The following NPR3 variants were observed in gnomAD, a reference collection of about 807,000 sequenced individuals.
NPR3 encodes atrial natriuretic peptide receptor 3.
NPR3 carries 34 observed loss-of-function variants against 54.5 expected under a neutral mutation model. That is an observed-to-expected ratio of 0.62 (90% CI 0.47 to 0.83). The LOEUF (loss-of-function observed/expected upper bound fraction) is 0.83, where lower values mean the gene tolerates loss of function less well. Ranked by LOEUF, NPR3 falls within the 40% of genes least tolerant of loss-of-function variation. The probability of loss-of-function intolerance (pLI) is 0.00; values close to 1 mark genes in which losing one functional copy is unlikely to be tolerated. For synonymous variants in NPR3, 289 were observed against 297.1 expected, an observed-to-expected ratio of 0.97 and a Z score of 0.28; for missense variants, 674 against 720.8, an observed-to-expected ratio of 0.94 and a Z score of 0.74.
chr5:32,700,619 T>A (rs1740643567), intron 1 of NPR3, among the ~76,000 whole-genome samples: 1 of 152,032 alleles, frequency 6.6e-6, no homozygotes, highest in Admixed American at 6.6e-5. Flanking sequence ...ATTGTTCAAT[T>A]CCCACCTATG....
intron 3 of NPR3, among the ~76,000 whole-genome samples, chr5:32,760,776 G>C (rs910985104): frequency 4.6e-5 from 7 of 151,284 alleles, no homozygotes; most frequent in African/African-American, 1.7e-4. Context: ...ATATTTTCTG[G>C]TTTTCTTTCA....
At chr5:32,746,646 C>CAA (rs1345135276) in intron 3 of NPR3, among the ~76,000 whole-genome samples, 1 of 152,194 alleles carries the variant, frequency 6.6e-6, no homozygotes, top group African/African-American at 2.4e-5. Flanking sequence ...TCACTCTTTT[C>CAA]AATTCCCAGT....
chr5:32,752,213 A>ACCTC (rs1579655703), intron 3 of NPR3, among the ~76,000 whole-genome samples: 377 of 58,188 alleles, frequency 6.5e-3, no homozygotes, highest in Middle Eastern at 0.042. Flanking sequence ...ACCTCCAAAA[A>ACCTC]CAAAAACAAA....
At chr5:32,737,313 G>C (rs927725428) in intron 2 of NPR3, among the ~76,000 whole-genome samples, 16 of 152,156 alleles carry the variant, frequency 1.1e-4, no homozygotes, top group Non-Finnish European at 5.9e-5. Flanking sequence ...CCTCTCTCTT[G>C]AATGTGGTGG....
chr5:32,736,850 T>A (rs1233876540), intron 2 of NPR3, among the ~76,000 whole-genome samples: 1 of 152,214 alleles, frequency 6.6e-6, no homozygotes, highest in African/African-American at 2.4e-5. Flanking sequence ...CTTATGCTCA[T>A]TGAGCACAGA....
At chr5:32,760,247 A>G (rs1381789481) in intron 3 of NPR3, among the ~76,000 whole-genome samples, 2 of 152,072 alleles carry the variant, frequency 1.3e-5, no homozygotes, top group African/African-American at 4.8e-5. Flanking sequence ...GGAATTGCTG[A>G]GTCATAGCAT....
rs2111837755 is a variant in NPR3 at position 32,711,548 on chromosome 5, C to CTTTTTG, written c.-224_-223insGTTTTT. ...GACGCACAGGTTTACACCCGGTGAA[C>CTTTTTG]TTTTTCTTTTTCTTTTTCTTTTTTT... On this transcript the variant is annotated 5_prime_UTR_variant, in exon 1 of 8. Coordinates refer to ENST00000265074, the MANE Select transcript of NPR3 (RefSeq NM_001204375.2). The CTTTTTG allele has an allele frequency of 4.6e-6, 5 of 1,082,118 alleles. No individual in the cohort carries two copies. In the East Asian group the frequency reaches 1.9e-4, roughly 42 times the overall value. The allele number at this position is 1,082,118 out of a possible 1,614,324, so 67.0% of individuals were successfully genotyped here.
At chr5:32,766,654 G>T (rs189520880) in intron 3 of NPR3, among the ~76,000 whole-genome samples, 1 of 152,032 alleles carries the variant, frequency 6.6e-6, no homozygotes, top group Non-Finnish European at 1.5e-5. Context: ...ATTTATCAAG[G>T]TTATTACTGT....
At chr5:32,759,115 T>G (rs1319806150) in intron 3 of NPR3, among the ~76,000 whole-genome samples, 1 of 152,180 alleles carries the variant, frequency 6.6e-6, no homozygotes, top group Admixed American at 6.5e-5. Flanking sequence ...AGATGTCTAT[T>G]AGGTCCGCTT....
upstream of NPR3, among the ~76,000 whole-genome samples, chr5:32,706,494 A>G (rs1349632415): frequency 4.6e-5 from 7 of 152,182 alleles, no homozygotes; most frequent in East Asian, 7.7e-4. Flanking sequence ...TGCTTAAGGC[A>G]TTTTGCTTGT....
At chr5:32,751,887 G>C (rs1247437786) in intron 3 of NPR3, among the ~76,000 whole-genome samples, 1 of 152,192 alleles carries the variant, frequency 6.6e-6, no homozygotes, top group Non-Finnish European at 1.5e-5. Context: ...TGAGGGAGAA[G>C]TGTCAGCATT....
chr5:32,750,733 C>T (rs1325663769), intron 3 of NPR3, among the ~76,000 whole-genome samples: 1 of 152,146 alleles, frequency 6.6e-6, no homozygotes, highest in African/African-American at 2.4e-5. Flanking sequence ...GCCCTAGCTC[C>T]TTTAGAAATT....
intron 1 of NPR3, chr5:32,713,216 G>A (rs746945555): frequency 1.0e-6 from 1 of 985,292 alleles, no homozygotes; most frequent in Non-Finnish European, 1.2e-6. Context: ...GTTCTGCAAC[G>A]CAGTTTCTAA....
At chr5:32,768,417 G>C (rs929766586) in intron 3 of NPR3, among the ~76,000 whole-genome samples, 3 of 152,194 alleles carry the variant, frequency 2.0e-5, no homozygotes, top group Non-Finnish European at 4.4e-5. Context: ...CATATTCCCT[G>C]CATGAGCCTT....
upstream of NPR3, among the ~76,000 whole-genome samples, chr5:32,709,134 C>T (rs1469342845): frequency 5.3e-5 from 8 of 152,024 alleles, no homozygotes; most frequent in Non-Finnish European, 8.8e-5. Flanking sequence ...GCGTTCACAC[C>T]GGTGCCACTG....
At chr5:32,710,790 G>A (rs116399912), upstream of NPR3, 45,419 of 1,532,078 alleles carry the variant, frequency 0.03, 865 homozygotes, top group Non-Finnish European at 0.034. Flanking sequence ...AAAGGTGAGA[G>A]CAAGCGGCAC....
intron 1 of NPR3, chr5:32,716,368 C>CTT (rs34628434): frequency 0.026 from 10,468 of 400,010 alleles, 380 homozygotes; most frequent in African/African-American, 0.13. Flanking sequence ...TAACATGCTA[C>CTT]TTTTTTTTTT....
chr5:32,784,843 T>A lies in NPR3; in HGVS notation c.1474T>A (p.Leu492Ile). 1 of 1,613,838 alleles carries A rather than the reference T, an allele frequency of 6.2e-7. No homozygotes were observed. The change falls in exon 7 of 8, where the codon TTA (leucine) becomes ATA (isoleucine). Residue 492 changes from leucine (L) to isoleucine (I), a missense_variant. Physicochemically the swap from Leu to Ile is conservative, Grantham distance 5. Coordinates refer to ENST00000265074, the MANE Select transcript of NPR3 (RefSeq NM_001204375.2). ...AGTGACAGGAATTGTCGTGGGGGCT[T>A]TACTAGGAGCTGGCTTGCTAATGGC... is the stretch of plus-strand genomic sequence containing the variant. ...SAVTGIVVGA[L>I]LGAGLLMAFY...
upstream of NPR3, among the ~76,000 whole-genome samples, chr5:32,705,564 G>A (rs1220162772): frequency 6.6e-6 from 1 of 152,164 alleles, no homozygotes; most frequent in East Asian, 1.9e-4. Context: ...GAGGGATGGG[G>A]AGGGGGAGAT....
Sources: allele counts gnomAD v4.1 joint callset (sites outside exome capture counted in the v4.1 genomes callset), GRCh38; gene constraint gnomAD v4.1.1; transcripts MANE v1.5; gene names NCBI Gene and HGNC (gene_info 2026-07-23, HGNC 2026-07-21).